The following UGT2B7 variants were observed in gnomAD, a reference collection of about 807,000 sequenced individuals.
The protein encoded by UGT2B7 is UDP glucuronosyltransferase family 2 member B7, also known as UDP-glucuronosyltransferase 2B7.
In UGT2B7, 51 loss-of-function variants were observed where a neutral mutation model predicts 51.9. That is an observed-to-expected ratio of 0.98 (90% confidence interval 0.78 to 1.24). UGT2B7 has a LOEUF of 1.24. Among genes scored for constraint, UGT2B7 ranks in the 50% most tolerant of loss-of-function variants. The pLI, the probability that UGT2B7 is intolerant of heterozygous loss-of-function variation, is 0.00. For synonymous variants in UGT2B7, 225 were observed against 211.6 expected (o/e 1.06, Z -0.55); for missense variants, 727 against 628.4 (o/e 1.16, Z -1.68).
At chr4:69,112,293 C>A (rs1719795509) in intron 5 of UGT2B7, among the ~76,000 whole-genome samples, 164 bp from the exon 6 acceptor site, 1 of 152,144 alleles carries the variant, frequency 6.6e-6, no homozygotes, top group East Asian at 1.9e-4. Context: ...GTTGTGAGCC[C>A]TTAAAAGGGA....
At chr4:69,081,116 G>T (rs1287949822) in intron 1 of UGT2B7, among the ~76,000 whole-genome samples, 2 of 152,042 alleles carry the variant, frequency 1.3e-5, no homozygotes, top group Non-Finnish European at 2.9e-5. Flanking sequence ...AAAACAAATT[G>T]CAGAAAGATT....
At chr4:69,052,271 C>T (rs928635797) in intron 1 of UGT2B7, among the ~76,000 whole-genome samples, 22 of 151,836 alleles carry the variant, frequency 1.4e-4, no homozygotes, top group Non-Finnish European at 1.0e-4. Context: ...AGACCCCTTC[C>T]CCCCCAACAG....
At chr4:69,071,343 G>A (rs756442464) in intron 1 of UGT2B7, among the ~76,000 whole-genome samples, 5 of 151,910 alleles carry the variant, frequency 3.3e-5, no homozygotes, top group Admixed American at 2.0e-4. Context: ...TTCTCTCCTC[G>A]TAACATATTG....
intron 2 of UGT2B7, among the ~76,000 whole-genome samples, chr4:69,090,026 A>G (rs1321407334): frequency 6.6e-6 from 1 of 152,168 alleles, no homozygotes; most frequent in Non-Finnish European, 1.5e-5. Context: ...ATTTGATTGT[A>G]TAGGAACTCC....
At chr4:69,086,895 G>A (rs1718972289) in intron 1 of UGT2B7, among the ~76,000 whole-genome samples, 1 of 151,818 alleles carries the variant, frequency 6.6e-6, no homozygotes. Context: ...CAATACAGTT[G>A]AGTTTTAATT....
At chr4:69,089,354 T>C (rs1013033567) in intron 1 of UGT2B7, 2 of 152,216 alleles carry the variant, frequency 1.3e-5, no homozygotes, top group African/African-American at 4.8e-5. Context: ...TGGCAGAATA[T>C]AGGGACAATA....
chr4:69,083,592 A>C (rs942257591), intron 1 of UGT2B7, among the ~76,000 whole-genome samples: 3 of 152,022 alleles, frequency 2.0e-5, no homozygotes, highest in Admixed American at 2.0e-4. Context: ...TATTGTAAAG[A>C]TCTTATATTT....
chr4:69,103,631 A>G (rs548212421), intron 3 of UGT2B7, among the ~76,000 whole-genome samples: 17 of 152,346 alleles, frequency 1.1e-4, no homozygotes, highest in African/African-American at 4.1e-4. Context: ...TTTTAGAAAT[A>G]CAAGTAAAAT....
At chr4:69,071,597 G>C (rs1330373745) in intron 1 of UGT2B7, among the ~76,000 whole-genome samples, 2 of 152,018 alleles carry the variant, frequency 1.3e-5, no homozygotes, top group South Asian at 2.1e-4. Flanking sequence ...TGAAAGAGAG[G>C]CATAATGATT....
At chr4:69,073,429 A>G (rs4611997) in intron 1 of UGT2B7, among the ~76,000 whole-genome samples, 65,213 of 151,950 alleles carry the variant, frequency 0.43, 15,548 homozygotes, top group African/African-American at 0.64. Context: ...TGGTATAGAG[A>G]CTTTATTTAA....
chr4:69,091,061 C>T (rs932917798), intron 2 of UGT2B7, among the ~76,000 whole-genome samples: 3 of 152,094 alleles, frequency 2.0e-5, no homozygotes, highest in Non-Finnish European at 2.9e-5. Flanking sequence ...TGGAAAATCC[C>T]TTCTTTACCA....
At chr4:69,080,848 G>A (rs1187394359) in intron 1 of UGT2B7, among the ~76,000 whole-genome samples, 1 of 152,034 alleles carries the variant, frequency 6.6e-6, no homozygotes, top group African/African-American at 2.4e-5. Flanking sequence ...ATAAACGTGA[G>A]CTACTTGAGC....
intron 1 of UGT2B7, among the ~76,000 whole-genome samples, chr4:69,068,756 C>G (rs531516226): frequency 6.6e-6 from 1 of 151,978 alleles, no homozygotes; most frequent in African/African-American, 2.4e-5. Context: ...ACCTCCATTG[C>G]TATTGCTACA....
At chr4:69,061,792 C>T (rs1478923700) in intron 1 of UGT2B7, among the ~76,000 whole-genome samples, 7 of 152,112 alleles carry the variant, frequency 4.6e-5, no homozygotes, top group East Asian at 1.9e-4. Context: ...ACTCAGCCCC[C>T]GGGAATTCAG....
At chr4:69,080,542 C>T (rs1170084446) in intron 1 of UGT2B7, among the ~76,000 whole-genome samples, 7 of 108,162 alleles carry the variant, frequency 6.5e-5, no homozygotes, top group East Asian at 6.2e-4. Context: ...AGCAAGACTC[C>T]GTCTCAAAAA....
At chr4:69,077,506 T>C (rs1359040024) in intron 1 of UGT2B7, among the ~76,000 whole-genome samples, 1 of 152,132 alleles carries the variant, frequency 6.6e-6, no homozygotes, top group Non-Finnish European at 1.5e-5. Context: ...TCACATCCCT[T>C]GTAAGTTGTA....
At chr4:69,107,988 C>G (rs1719658400) in intron 4 of UGT2B7, 115 bp from the exon 5 acceptor site, 1 of 1,368,594 alleles carries the variant, frequency 7.3e-7, no homozygotes, top group East Asian at 2.3e-5. Flanking sequence ...GTCTGAAACA[C>G]AATTTTAATT....
intron 1 of UGT2B7, among the ~76,000 whole-genome samples, chr4:69,080,441 A>T (rs1718809638): frequency 6.6e-6 from 1 of 151,734 alleles, no homozygotes; most frequent in Admixed American, 6.6e-5. Flanking sequence ...TCAGCTACTC[A>T]GGAGACTAAG....
rs1182543833 is a variant in UGT2B7 at position 69,096,739 on chromosome 4, A to C, written c.219A>C (p.Lys73Asn). Residue 73 changes from lysine to asparagine, a missense_variant, in exon 1 of 6, where the codon AAA becomes AAC. Coordinates refer to ENST00000305231, the MANE Select transcript of UGT2B7 (RefSeq NM_001074.4). ...ATCCCAACAACTCATCCGCTCTTAAAATTGAAATTTATCCCACATCTTTAA... is the reference window on the plus strand; with the variant it reads ...ATCCCAACAACTCATCCGCTCTTAACATTGAAATTTATCCCACATCTTTAA... ...LFDPNNSSAL[K>N]IEIYPTSLTK... The C allele has an allele frequency of 1.2e-6, 2 of 1,614,038 alleles. No individual in the cohort carries two copies. The highest frequency in any genetic ancestry group is 1.7e-6 in the Non-Finnish European group (2 of 1,179,924).
Sources: gnomAD v4.1 joint callset for allele counts (sites outside exome capture counted in the v4.1 genomes callset) on GRCh38, gnomAD v4.1.1 for gene constraint, MANE v1.5 for transcripts, NCBI Gene and HGNC (gene_info 2026-07-23, HGNC 2026-07-21) for gene names.